Variants in RAPGEF1 observed in about 807,000 individuals in gnomAD.
RAPGEF1 encodes Rap guanine nucleotide exchange factor 1.
A neutral mutation model predicts 143.3 loss-of-function variants in RAPGEF1; 33 were observed. The observed-to-expected ratio is 0.23, with a 90% CI of 0.17 to 0.31. The LOEUF (loss-of-function observed/expected upper bound fraction) is 0.31, where lower values mean the gene tolerates loss of function less well. Ranked by LOEUF, RAPGEF1 falls within the 10% of genes least tolerant of loss-of-function variation. The pLI, the probability that RAPGEF1 is intolerant of heterozygous loss-of-function variation, is 1.00. For synonymous variants in RAPGEF1, 629 were observed against 676.5 expected, an observed-to-expected ratio of 0.93 and a Z score of 1.09; for missense variants, 1,199 against 1,645.4, an observed-to-expected ratio of 0.73 and a Z score of 4.69.
At chr9:131,635,609 T>C (rs1320956376) in intron 5 of RAPGEF1, among the ~76,000 whole-genome samples, 1 of 152,116 alleles carries the variant, frequency 6.6e-6, no homozygotes, top group Non-Finnish European at 1.5e-5. Context: ...GCATGGGCTT[T>C]TAAGGTGTCC....
rs1213685724 is a variant in RAPGEF1 at position 131,621,748 on chromosome 9, G to T, written c.1905+48C>A. The T allele has an allele frequency of 2.6e-6, 4 of 1,523,730 alleles. No individual in the cohort carries two copies. The highest frequency in any genetic ancestry group is 3.6e-6 in the Non-Finnish European group (4 of 1,124,704). 94.4% of individuals were successfully genotyped at this position (1,523,730 alleles called of 1,614,324 possible). Reference sequence around the variant, plus strand: ...AAGGAGGGTCATTCTGGTTCCTAGAGACCTGCTAGGATCGGAAGTTCTAGT... The same window carrying T: ...AAGGAGGGTCATTCTGGTTCCTAGATACCTGCTAGGATCGGAAGTTCTAGT... On this transcript the variant is annotated intron_variant, in intron 11 of 26. Coordinates refer to ENST00000683357, the MANE Select transcript of RAPGEF1 (RefSeq NM_001377935.1). This position sits in a 1 kb window ranked among gnomAD's most constrained non-coding sequence, Gnocchi z 4.5.
chr9:131,604,997 A>G lies in RAPGEF1; in HGVS notation c.2253T>C (p.Ala751=). Residue 751 remains alanine (A), a synonymous_variant, in exon 13 of 27, where the codon GCT becomes GCC. Transcript: ENST00000683357. ...PPSTVDGPLS[A]SQESSFHGNT... is the part of the protein sequence containing the mutation. ...TCCCATGAAAGCTGCTCTCCTGAGA[A>G]GCCGAGAGAGGCCCGTCCACGGTGC... 1 of 1,349,368 alleles carries G rather than the reference A, an allele frequency of 7.4e-7. No homozygotes were observed. The highest frequency in any genetic ancestry group is 9.9e-7 in the Non-Finnish European group (1 of 1,013,872). The allele number at this position is 1,349,368 out of a possible 1,614,324, so 83.6% of individuals were successfully genotyped here.
intron 1 of RAPGEF1, among the ~76,000 whole-genome samples, chr9:131,704,968 A>G (rs1834940182): frequency 6.6e-6 from 1 of 152,244 alleles, no homozygotes; most frequent in South Asian, 2.1e-4. Flanking sequence ...TTGCAACTGA[A>G]CAATCATCAA....
At chr9:131,580,145 A>C (rs1951645470) in intron 26 of RAPGEF1, 118 bp downstream of exon 26, 1 of 1,326,520 alleles carries the variant, frequency 7.5e-7, no homozygotes, top group Non-Finnish European at 1.0e-6. Flanking sequence ...ATATCTCAGC[A>C]GTGGCAGGTC....
At chr9:131,673,784 C>G (rs1030335960) in intron 1 of RAPGEF1, among the ~76,000 whole-genome samples, 2 of 152,110 alleles carry the variant, frequency 1.3e-5, no homozygotes, top group African/African-American at 4.8e-5. Flanking sequence ...CACCAGTGAC[C>G]GTGAAGAAAA....
intron 12 of RAPGEF1, among the ~76,000 whole-genome samples, chr9:131,605,602 A>G (rs1265463784): frequency 2.0e-5 from 3 of 152,166 alleles, no homozygotes; most frequent in Admixed American, 2.0e-4. Flanking sequence ...TTTATTCCTT[A>G]AGAGTCAAAC....
rs754643601 is a variant in RAPGEF1, at chr9:131,604,060, G to C, written c.2320-7C>G. ...CCTCACTGGCGTTTTCACTCTGGGG[G>C]AGACAGGACGAGAGGAAAGACACAT... On this transcript the variant is annotated splice_region_variant and splice_polypyrimidine_tract_variant and intron_variant, in intron 13 of 26. Transcript: ENST00000683357. 26 of 1,314,514 alleles carry C rather than the reference G, an allele frequency of 2.0e-5. No homozygotes were observed. The highest frequency in any genetic ancestry group is 2.6e-5 in the Non-Finnish European group (26 of 992,064). 81.4% of individuals were successfully genotyped at this position (1,314,514 alleles called of 1,614,324 possible).
chr9:131,584,653 G>C lies in RAPGEF1; in HGVS notation c.3234-57C>G. The C allele has an allele frequency of 6.3e-7, 1 of 1,575,646 alleles. No individual in the cohort carries two copies. Among genetic ancestry groups the C allele is most frequent in the Admixed American group, 1.7e-5 (1 of 59,882 alleles). On this transcript the variant is annotated intron_variant, in intron 22 of 26. Coordinates refer to ENST00000683357, the MANE Select transcript of RAPGEF1 (RefSeq NM_001377935.1). The surrounding 1 kb of genome is among the most constrained non-coding windows in gnomAD (Gnocchi z 6.8). ...AGTTGACAAGTCCCTGCAGGTCCCAGGGGTCCTGGTGGAGACAGGACCTGT... is the reference window on the plus strand; with the variant it reads ...AGTTGACAAGTCCCTGCAGGTCCCACGGGTCCTGGTGGAGACAGGACCTGT...
At chr9:131,696,213 C>T (rs183525211) in intron 1 of RAPGEF1, among the ~76,000 whole-genome samples, 32 of 152,280 alleles carry the variant, frequency 2.1e-4, no homozygotes, top group Admixed American at 1.8e-3. Flanking sequence ...TAGGACCAGC[C>T]CTGATCCAGA....
At chr9:131,656,674 C>T (rs550627496) in intron 1 of RAPGEF1, among the ~76,000 whole-genome samples, 22 of 152,304 alleles carry the variant, frequency 1.4e-4, no homozygotes, top group East Asian at 9.6e-4. Context: ...TTCACAACTG[C>T]GCCGTCATGA....
intron 18 of RAPGEF1, among the ~76,000 whole-genome samples, chr9:131,590,217 C>T (rs1309864797): frequency 2.0e-5 from 3 of 152,190 alleles, no homozygotes; most frequent in East Asian, 1.9e-4. Flanking sequence ...CTCCCTGCCA[C>T]GCCATCTCCG....
intron 1 of RAPGEF1, among the ~76,000 whole-genome samples, chr9:131,688,710 C>A (rs1444489205): frequency 1.3e-5 from 2 of 152,136 alleles, no homozygotes; most frequent in African/African-American, 4.8e-5. Flanking sequence ...GAGTTCGTGA[C>A]CAGCCTGGGC....
intron 12 of RAPGEF1, among the ~76,000 whole-genome samples, chr9:131,609,178 G>C (rs1157669294): frequency 5.9e-5 from 9 of 152,108 alleles, no homozygotes. Context: ...ACACAGCAGG[G>C]ACTGCCTCAT....
At chr9:131,664,456 A>G (rs1588890657) in intron 1 of RAPGEF1, among the ~76,000 whole-genome samples, 2 of 152,194 alleles carry the variant, frequency 1.3e-5, no homozygotes, top group South Asian at 2.1e-4. Context: ...ATATATCTAT[A>G]TATTTTTAAA....
At chr9:131,639,547 A>G (rs1967226701) in intron 4 of RAPGEF1, among the ~76,000 whole-genome samples, 1 of 152,162 alleles carries the variant, frequency 6.6e-6, no homozygotes, top group African/African-American at 2.4e-5. Context: ...ATGATTGTAG[A>G]GTAGCAGCCG....
In RAPGEF1 at chr9:131,628,793, A is replaced by T. The variant is rs1461622915; in HGVS notation, c.894-121T>A. ...TAGACTCTCCACACCCAATGTTCAC[A>T]CTTCAACTCCTGCCTACTCCCCTCC... On this transcript the variant is annotated intron_variant, in intron 7 of 26. Coordinates refer to ENST00000683357, the MANE Select transcript of RAPGEF1 (RefSeq NM_001377935.1). This position sits in a 1 kb window ranked among gnomAD's most constrained non-coding sequence, Gnocchi z 5.7. The T allele has an allele frequency of 4.5e-6, 6 of 1,336,354 alleles. No individual in the cohort carries two copies. Among genetic ancestry groups the T allele is most frequent in the Non-Finnish European group, 6.1e-6 (6 of 984,378 alleles). The allele number at this position is 1,336,354 out of a possible 1,614,324, so 82.8% of individuals were successfully genotyped here.
At position 131,596,009 on chromosome 9, in the gene RAPGEF1, G is replaced by A. The variant is rs551529345; in HGVS notation, c.2689+289C>T. The stretch of plus-strand genomic sequence containing the variant: ...TACTGGGTGACATGCCATCACTCAA[G>A]GCGCTGTCTGTGGTGCGCTTAGTAT... On this transcript the variant is annotated intron_variant, in intron 17 of 26. Transcript: ENST00000683357. Among the ~76,000 whole-genome samples the A allele has an allele frequency of 2.0e-5, 3 of 152,340 alleles. No homozygotes were observed. In the South Asian group the frequency reaches 6.2e-4, roughly 32 times the overall value.
At chr9:131,672,607 T>C (rs1831588145) in intron 1 of RAPGEF1, among the ~76,000 whole-genome samples, 2 of 152,132 alleles carry the variant, frequency 1.3e-5, no homozygotes, top group South Asian at 2.1e-4. Context: ...ATTTTCCACA[T>C]CTTGGGCCAA....
chr9:131,640,401 T>C (rs994577757), intron 4 of RAPGEF1, among the ~76,000 whole-genome samples: 2 of 152,350 alleles, frequency 1.3e-5, no homozygotes, highest in African/African-American at 2.4e-5. Flanking sequence ...TCTACCTGCA[T>C]TGGATGCTAA....
Sources: allele counts gnomAD v4.1 joint callset (sites outside exome capture counted in the v4.1 genomes callset), GRCh38; gene constraint gnomAD v4.1.1; non-coding constraint Gnocchi (gnomAD v3.1); transcripts MANE v1.5; gene names NCBI Gene and HGNC (gene_info 2026-07-23, HGNC 2026-07-21).